The following LOXHD1 variants were observed in gnomAD, a reference collection of about 807,000 sequenced individuals.
LOXHD1 encodes the protein lipoxygenase homology PLAT domains 1.
Under a neutral mutation model 248.2 loss-of-function variants are expected in LOXHD1, and 205 were observed. The observed-to-expected ratio is 0.83, with a 90% CI of 0.74 to 0.93. The LOEUF is 0.93. Ranked by LOEUF, LOXHD1 falls within the 40% of genes least tolerant of loss-of-function variation. The pLI is 0.00. For missense variants in LOXHD1, 2,930 were observed against 2,971.6 expected, an observed-to-expected ratio of 0.99 and a Z score of 0.33; for synonymous variants, 1,113 against 1,162.8, an observed-to-expected ratio of 0.96 and a Z score of 0.87.
chr18:46,589,262 C>T (rs932670567), intron 12 of LOXHD1, among the ~76,000 whole-genome samples: 30 of 152,248 alleles, frequency 2.0e-4, no homozygotes, highest in African/African-American at 6.3e-4. Context: ...AGCAATAATG[C>T]GAACCTGTGA....
intron 36 of LOXHD1, among the ~76,000 whole-genome samples, chr18:46,506,599 T>C (rs2034590194): frequency 6.6e-6 from 1 of 152,188 alleles, no homozygotes; most frequent in African/African-American, 2.4e-5. Flanking sequence ...CATAAAGGGA[T>C]GGAGGGGTCT....
chr18:46,489,862 G>C (rs1336739580), intron 37 of LOXHD1, among the ~76,000 whole-genome samples: 1 of 152,204 alleles, frequency 6.6e-6, no homozygotes, highest in East Asian at 1.9e-4. Context: ...AATGAATGCT[G>C]AATGAATTAA....
chr18:46,550,559 G>A (rs371144267), intron 21 of LOXHD1, among the ~76,000 whole-genome samples: 6 of 120,272 alleles, frequency 5.0e-5, no homozygotes, highest in Admixed American at 4.1e-4. Context: ...CGGCCTGGGC[G>A]ACAGAGCGAG....
chr18:46,495,372 G>A (rs1344730727), intron 37 of LOXHD1, among the ~76,000 whole-genome samples: 3 of 152,118 alleles, frequency 2.0e-5, no homozygotes, highest in Non-Finnish European at 2.9e-5. Flanking sequence ...TAATCAAATA[G>A]CCTGAGGGAC....
intron 16 of LOXHD1, among the ~76,000 whole-genome samples, chr18:46,567,203 T>A (rs867824943): frequency 2.0e-5 from 3 of 152,264 alleles, no homozygotes; most frequent in Non-Finnish European, 2.9e-5. Flanking sequence ...AATTTTAACA[T>A]CAGATGGAAT....
chr18:46,524,831 G>C lies in LOXHD1; in HGVS notation c.4617C>G (p.Asp1539Glu). 6.4e-7 allele frequency: 1 copy of C among 1,551,798 alleles called. No individual in the cohort carries two copies. Among genetic ancestry groups the C allele is most frequent in the Non-Finnish European group, 8.7e-7 (1 of 1,147,020 alleles). The change falls in exon 30 of 41, where the codon GAC becomes GAG. Residue 1539 changes from aspartate (D) to glutamate (E), a missense_variant. Transcript: ENST00000642948. Reference protein sequence around the residue: ...LRHDNSKWCADWYVEKVEIWN... With the variant: ...LRHDNSKWCAEWYVEKVEIWN... ...AGATCTCCACCTTCTCCACGTACCA[G>C]TCTGCGCACCACTTGGAGTTGTCAT... is the stretch of plus-strand genomic sequence containing the variant.
chr18:46,524,765 C>T lies in LOXHD1; in HGVS notation c.4683G>A (p.Gly1561=). 1 of 1,551,770 alleles carries T rather than the reference C, an allele frequency of 6.4e-7. No individual in the cohort carries two copies. The highest frequency in any genetic ancestry group is 8.7e-7 in the Non-Finnish European group (1 of 1,147,002). Residue 1561 remains glycine (G), a synonymous_variant, in exon 30 of 41, where the codon GGG becomes GGA. Transcript: ENST00000642948. ...TNEDEFLFLC[G]RWLSLKKEDG... Reference sequence around the variant, plus strand: ...CCTCCTTCTTCAGGGAGAGCCAGCGCCCGCATAGGAACAGGAACTCGTCCT... The same window carrying T: ...CCTCCTTCTTCAGGGAGAGCCAGCGTCCGCATAGGAACAGGAACTCGTCCT...
Position 46,616,488 on chromosome 18 carries a change from A to C in LOXHD1, c.610+1704T>G, listed in dbSNP as rs1293294554. ...GAGGTCCACATTTCTTCATGCGCTGATGTTAGTCATCATTTTTGTTGTTTT... is the reference window on the plus strand; with the variant it reads ...GAGGTCCACATTTCTTCATGCGCTGCTGTTAGTCATCATTTTTGTTGTTTT... On this transcript the variant is annotated intron_variant, in intron 5 of 40. Coordinates refer to ENST00000642948, the MANE Select transcript of LOXHD1 (RefSeq NM_001384474.1). Among the ~76,000 whole-genome samples the C allele has an allele frequency of 1.3e-5, 2 of 152,236 alleles. 1 individual carries two copies. The highest frequency in any genetic ancestry group is 4.1e-4 in the South Asian group (2 of 4,826).
At chr18:46,543,497 C>T (rs1193034041) in intron 23 of LOXHD1, among the ~76,000 whole-genome samples, 1 of 151,952 alleles carries the variant, frequency 6.6e-6, no homozygotes, top group Admixed American at 6.6e-5. Flanking sequence ...ATACATGTGC[C>T]ATGGTGGCTT....
rs1171755292 is a variant in LOXHD1, at chr18:46,546,978, T to C, written c.3431A>G (p.Glu1144Gly). 6.4e-7 allele frequency: 1 copy of C among 1,551,776 alleles called. No individual in the cohort carries two copies. The highest frequency in any genetic ancestry group is 8.7e-7 in the Non-Finnish European group (1 of 1,147,006). The change falls in exon 22 of 41, where the codon GAG becomes GGG. Residue 1144 changes from glutamate (E) to glycine (G), a missense_variant. By Grantham distance (98) the Glu-to-Gly change is moderately conservative. Transcript: ENST00000642948. ...QLSRELLPVD[E>G]SYVLPQSEEG... The stretch of plus-strand genomic sequence containing the variant: ...CTCGCTCTGTGGCAGCACATAGGAC[T>C]CATCCACTGGCAACAGCTCCCTGGA...
intron 13 of LOXHD1, among the ~76,000 whole-genome samples, chr18:46,578,162 T>G (rs1164874366): frequency 6.6e-6 from 1 of 152,202 alleles, no homozygotes; most frequent in Non-Finnish European, 1.5e-5. Flanking sequence ...ATGAGCTAAT[T>G]CCTTGGCAAA....
intron 37 of LOXHD1, among the ~76,000 whole-genome samples, chr18:46,493,942 T>TA (rs1213909032): frequency 1.3e-5 from 2 of 152,212 alleles, no homozygotes; most frequent in Non-Finnish European, 2.9e-5. Flanking sequence ...ACAAATCCCC[T>TA]AGCCCAGTGA....
At chr18:46,507,197 C>G (rs2034628369) in intron 36 of LOXHD1, among the ~76,000 whole-genome samples, 1 of 152,218 alleles carries the variant, frequency 6.6e-6, no homozygotes, top group African/African-American at 2.4e-5. Context: ...TGGGTCCGAG[C>G]ATGCCTGAGG....
rs2037384321 is a variant in LOXHD1 at position 46,557,341 on chromosome 18, T to G, written c.3350+15A>C. ...CAGAGCAACACCCCTCCCTGCCCAC[T>G]GCCCCCACACTCACGTGATCTCGTT... On this transcript the variant is annotated intron_variant, in intron 21 of 40. Transcript: ENST00000642948. 1 of 1,538,944 alleles carries G rather than the reference T, an allele frequency of 6.5e-7. No individual in the cohort carries two copies. The highest frequency in any genetic ancestry group is 2.0e-5 in the Admixed American group (1 of 50,420).
rs1450456909 is a variant in LOXHD1 at position 46,615,781 on chromosome 18, G to A, written c.610+2411C>T. 2.6e-5 allele frequency among the ~76,000 whole-genome samples: 4 copies of A among 152,074 alleles called. No homozygotes were observed. The East Asian group carries it at 5.8e-4, about 22-fold the overall frequency. On this transcript the variant is annotated intron_variant, in intron 5 of 40. Coordinates refer to ENST00000642948, the MANE Select transcript of LOXHD1 (RefSeq NM_001384474.1). ...GCATTTGGCCTATCCATTATTGAGA[G>A]TATTGTATCAAAATCTCCCACTATG...
intron 4 of LOXHD1, among the ~76,000 whole-genome samples, chr18:46,632,789 G>A (rs1433607206): frequency 1.3e-5 from 2 of 152,294 alleles, no homozygotes; most frequent in East Asian, 1.9e-4. Context: ...GACCCCTGAC[G>A]CCCACTCTTA....
intron 4 of LOXHD1, among the ~76,000 whole-genome samples, chr18:46,628,221 A>T (rs950210508): frequency 1.3e-5 from 2 of 152,146 alleles, no homozygotes; most frequent in African/African-American, 4.8e-5. Flanking sequence ...AAATTCTCTG[A>T]TGTGCCACAA....
intron 40 of LOXHD1, among the ~76,000 whole-genome samples, chr18:46,479,294 A>G (rs928424588): frequency 6.6e-6 from 1 of 151,124 alleles, no homozygotes; most frequent in African/African-American, 2.4e-5. Flanking sequence ...ACAAAGGGAA[A>G]GAGAAAGTCC....
chr18:46,495,351 A>G (rs748444518), intron 37 of LOXHD1, among the ~76,000 whole-genome samples: 1 of 152,246 alleles, frequency 6.6e-6, no homozygotes, highest in Non-Finnish European at 1.5e-5. Context: ...TCTATGAACT[A>G]TATTTTATGG....
Sources: gnomAD v4.1 joint callset for allele counts (sites outside exome capture counted in the v4.1 genomes callset) on GRCh38, gnomAD v4.1.1 for gene constraint, MANE v1.5 for transcripts, NCBI Gene and HGNC (gene_info 2026-07-23, HGNC 2026-07-21) for gene names.